The following CYTH2 variants were observed in gnomAD, a reference collection of about 807,000 sequenced individuals.
CYTH2 encodes the protein cytohesin 2.
Under a neutral mutation model 55.4 loss-of-function variants are expected in CYTH2, and 24 were observed. The observed-to-expected ratio is 0.43, with a 90% CI of 0.31 to 0.61. CYTH2 has a LOEUF of 0.61. Ranked by LOEUF, CYTH2 falls within the 20% of genes least tolerant of loss-of-function variation. The probability of loss-of-function intolerance (pLI) is 0.08; values close to 1 mark genes in which losing one functional copy is unlikely to be tolerated. For missense variants in CYTH2, 378 were observed against 533.5 expected, an observed-to-expected ratio of 0.71 and a Z score of 2.87; for synonymous variants, 221 against 209.6, an observed-to-expected ratio of 1.05 and a Z score of -0.47.
chr19:48,480,444 C>G lies in CYTH2; in HGVS notation c.*1234C>G. The G allele has an allele frequency of 6.6e-6, 1 of 152,226 alleles. No homozygotes were observed. The highest frequency in any genetic ancestry group is 1.9e-4 in the East Asian group (1 of 5,188). The allele number at this position is 152,226 out of a possible 1,614,324, so 9.4% of individuals were successfully genotyped here. On this transcript the variant is annotated 3_prime_UTR_variant, in exon 12 of 12. Coordinates refer to ENST00000452733, the MANE Select transcript of CYTH2 (RefSeq NM_004228.7). ...TTCGGGCTTTGATCCCTGTCCCGCC[C>G]TTGGCCACAGGCACCTGCCGGCCTG...
At chr19:48,477,718 A>C in intron 8 of CYTH2, 1 of 277,092 alleles carries the variant, frequency 3.6e-6, no homozygotes. Context: ...CTGCCCCAGG[A>C]GGTAGGTACA....
intron 1 of CYTH2, 85 bp downstream of exon 1, chr19:48,469,611 CG>C: frequency 7.6e-7 from 1 of 1,315,842 alleles, no homozygotes; most frequent in Non-Finnish European, 9.8e-7. Flanking sequence ...CCCCCTGGCG[CG>C]CGGCGCCCAG....
rs756531366 is a variant in CYTH2 at position 48,471,898 on chromosome 19, A to G, written c.235-427A>G. Among the ~76,000 whole-genome samples the G allele has an allele frequency of 6.6e-4, 100 of 152,170 alleles. 1 individual carries two copies. Among genetic ancestry groups the G allele is most frequent in the Non-Finnish European group, 1.1e-3 (72 of 68,030 alleles). ...TAACTCATCTCTAGAAAAAATATAA[A>G]TAAATAAATTAGCCAGGTGTGTTGG... On this transcript the variant is annotated intron_variant, in intron 3 of 11. Transcript: ENST00000452733.
chr19:48,477,992 T>C, intron 8 of CYTH2, 77 bp from the exon 9 acceptor site: 3 of 1,234,376 alleles, frequency 2.4e-6, no homozygotes, highest in Non-Finnish European at 1.2e-6. Flanking sequence ...CTTGCTCTGC[T>C]TCTCACGCCC....
intron 3 of CYTH2, among the ~76,000 whole-genome samples, chr19:48,471,629 C>T (rs1183940815): frequency 6.6e-6 from 1 of 152,228 alleles, no homozygotes; most frequent in African/African-American, 2.4e-5. Context: ...CTTCGTAGCA[C>T]AGAGAGTGAG....
chr19:48,478,223 G>A, intron 9 of CYTH2, 52 bp from the exon 10 acceptor site: 4 of 1,612,484 alleles, frequency 2.5e-6, no homozygotes, highest in Non-Finnish European at 3.4e-6. Flanking sequence ...TGAGGGAGGT[G>A]GGGTGGGGTG....
chr19:48,473,441 A>G lies in CYTH2; in HGVS notation c.434+63A>G, dbSNP rs1971844597. 3.9e-6 allele frequency: 6 copies of G among 1,533,492 alleles called. No individual in the cohort carries two copies. The South Asian group carries it at 6.7e-5, about 17-fold the overall frequency. 95.0% of individuals were successfully genotyped at this position (1,533,492 alleles called of 1,614,324 possible). ...ACCTGTCAGGGCCTTCCTAGTTACA[A>G]GTGACAAACCTTACTCAAGAAAAAA... is the stretch of plus-strand genomic sequence containing the variant. On this transcript the variant is annotated intron_variant, in intron 5 of 11. Coordinates refer to ENST00000452733, the MANE Select transcript of CYTH2 (RefSeq NM_004228.7).
chr19:48,474,424 C>T lies in CYTH2; in HGVS notation c.696+94C>T. 7.4e-7 allele frequency: 1 copy of T among 1,348,680 alleles called. No homozygotes were observed. The allele number at this position is 1,348,680 out of a possible 1,614,324, so 83.5% of individuals were successfully genotyped here. A position where few individuals can be genotyped will look rare whatever the true frequency, so the allele number is the denominator to read the frequency against. On this transcript the variant is annotated intron_variant, in intron 7 of 11. Coordinates refer to ENST00000452733, the MANE Select transcript of CYTH2 (RefSeq NM_004228.7). This position sits in a 1 kb window ranked among gnomAD's most constrained non-coding sequence, Gnocchi z 4.9. Reference sequence around the variant, plus strand: ...GGTCTCCTAGTGCCCAAGCTGTCTGCCCTCACCCCCAAGATGGTGCGATCA... The same window carrying T: ...GGTCTCCTAGTGCCCAAGCTGTCTGTCCTCACCCCCAAGATGGTGCGATCA...
intron 9 of CYTH2, 28 bp from the exon 10 acceptor site, chr19:48,478,247 C>CT (rs771912302): frequency 6.2e-7 from 1 of 1,612,012 alleles, no homozygotes; most frequent in Non-Finnish European, 8.5e-7. Flanking sequence ...ACTTGGAAGT[C>CT]TGAGTTCTGT....
At chr19:48,476,164 A>G (rs1274118826) in intron 8 of CYTH2, 1 of 344,090 alleles carries the variant, frequency 2.9e-6, no homozygotes, top group Non-Finnish European at 5.9e-6. Context: ...CAGGCAGGGC[A>G]CAGGGGCCCA....
intron 1 of CYTH2, chr19:48,470,114 C>T (rs1971759905): frequency 2.8e-6 from 2 of 714,012 alleles, no homozygotes; most frequent in South Asian, 1.5e-5. Context: ...CACCCATTCC[C>T]CTTCTCCCTC....
At position 48,479,312 on chromosome 19, in the gene CYTH2, T is replaced by C. The variant is rs1444818571; in HGVS notation, c.*102T>C. On this transcript the variant is annotated 3_prime_UTR_variant, in exon 12 of 12. Coordinates refer to ENST00000452733, the MANE Select transcript of CYTH2 (RefSeq NM_004228.7). ...GGATCCTGGTTCCCTGTTTGGAAAA[T>C]TCACCACCTCTAGCTCCTCACTGTT... 3 of 1,146,668 alleles carry C rather than the reference T, an allele frequency of 2.6e-6. No homozygotes were observed. The East Asian group carries it at 7.2e-5, about 28-fold the overall frequency. The allele number at this position is 1,146,668 out of a possible 1,614,324, so 71.0% of individuals were successfully genotyped here.
At chr19:48,472,571 C>T (rs1404775070) in intron 4 of CYTH2, 128 bp downstream of exon 4, 1 of 810,356 alleles carries the variant, frequency 1.2e-6, no homozygotes, top group Non-Finnish European at 2.1e-6. Flanking sequence ...CCTGGCAGAT[C>T]AGCCTTCTGA....
rs61748773 is a variant in CYTH2, at chr19:48,474,222, C to T, written c.588C>T (p.Asn196=). Residue 196 remains asparagine, a synonymous_variant, in exon 7 of 12, where the codon AAC becomes AAT. Transcript: ENST00000452733. The surrounding 1 kb of genome is among the most constrained non-coding windows in gnomAD (Gnocchi z 4.9). The part of the protein sequence containing the change: ...YVLSFAVIML[N]TSLHNPNVRD... ...TGTCCTTCGCCGTCATCATGCTCAACACCAGTCTCCACAATCCCAATGTCC... is the reference window on the plus strand; with the variant it reads ...TGTCCTTCGCCGTCATCATGCTCAATACCAGTCTCCACAATCCCAATGTCC... 42,392 of 1,611,702 alleles carry T rather than the reference C, an allele frequency of 0.026. 1,591 individuals are homozygous for T. Among genetic ancestry groups the T allele is most frequent in the African/African-American group, 0.18 (13,321 of 74,920 alleles).
Position 48,480,201 on chromosome 19 carries a change from G to A in CYTH2, c.*991G>A, listed in dbSNP as rs760558793. ...CAAAGAACAAGGGCTCGTGGATCCC[G>A]AGCAGGGTGCGATGGCGGATTGGGA... On this transcript the variant is annotated 3_prime_UTR_variant, in exon 12 of 12. Coordinates refer to ENST00000452733, the MANE Select transcript of CYTH2 (RefSeq NM_004228.7). The A allele has an allele frequency of 1.3e-5, 2 of 152,216 alleles. No homozygotes were observed. Among genetic ancestry groups the A allele is most frequent in the Admixed American group, 6.5e-5 (1 of 15,276 alleles). 9.4% of individuals were successfully genotyped at this position (152,216 alleles called of 1,614,324 possible). A position where few individuals can be genotyped will look rare whatever the true frequency, so the allele number is the denominator to read the frequency against.
chr19:48,471,920 T>C (rs1971805687), intron 3 of CYTH2, among the ~76,000 whole-genome samples: 1 of 152,008 alleles, frequency 6.6e-6, no homozygotes, highest in Non-Finnish European at 1.5e-5. Flanking sequence ...GCCAGGTGTG[T>C]TGGGGCATGC....
chr19:48,472,471 G>GCGCCCCCCC, intron 4 of CYTH2, 28 bp downstream of exon 4: 1 of 1,584,674 alleles, frequency 6.3e-7, no homozygotes. Context: ...CTCCTGTGGG[G>GCGCCCCCCC]CCCCTCCCTC....
Position 48,479,456 on chromosome 19 carries a change from T to G in CYTH2, c.*246T>G. 9.4e-6 allele frequency: 4 copies of G among 426,754 alleles called. No homozygotes were observed. Among genetic ancestry groups the G allele is most frequent in the South Asian group, 3.1e-5 (1 of 31,952 alleles). 26.4% of individuals were successfully genotyped at this position (426,754 alleles called of 1,614,324 possible). A position where few individuals can be genotyped will look rare whatever the true frequency, so the allele number is the denominator to read the frequency against. On this transcript the variant is annotated 3_prime_UTR_variant, in exon 12 of 12. Coordinates refer to ENST00000452733, the MANE Select transcript of CYTH2 (RefSeq NM_004228.7). ...GCTCCGTGGAGCCAGCCTGTTTCCCTGGACAGGGGCCTGGACCCGCCTGTC... is the reference window on the plus strand; with the variant it reads ...GCTCCGTGGAGCCAGCCTGTTTCCCGGGACAGGGGCCTGGACCCGCCTGTC...
rs1302965601 is a variant in CYTH2, at chr19:48,480,945, G to A, written c.*1735G>A. 1 of 152,362 alleles carries A rather than the reference G, an allele frequency of 6.6e-6. No individual in the cohort carries two copies. Among genetic ancestry groups the A allele is most frequent in the African/African-American group, 2.4e-5 (1 of 41,462 alleles). The allele number at this position is 152,362 out of a possible 1,614,324, so 9.4% of individuals were successfully genotyped here. ...TGGTGGCGAAGAGGGGAGTGCGGCGGGAGGGGAGGGCAGAGGCAGGCGGCC... is the reference window on the plus strand; with the variant it reads ...TGGTGGCGAAGAGGGGAGTGCGGCGAGAGGGGAGGGCAGAGGCAGGCGGCC... On this transcript the variant is annotated 3_prime_UTR_variant, in exon 12 of 12. Transcript: ENST00000452733.
Sources: allele counts gnomAD v4.1 joint callset (sites outside exome capture counted in the v4.1 genomes callset), GRCh38; gene constraint gnomAD v4.1.1; non-coding constraint Gnocchi (gnomAD v3.1); transcripts MANE v1.5; gene names NCBI Gene and HGNC (gene_info 2026-07-23, HGNC 2026-07-21).